LDLRAP1: variants seen among roughly 807,000 people sequenced by gnomAD.
LDLRAP1 encodes low density lipoprotein receptor adaptor protein 1.
A neutral mutation model predicts 37.8 loss-of-function variants in LDLRAP1; 30 were observed. The observed-to-expected ratio is 0.79, with a 90% confidence interval of 0.59 to 1.08. LDLRAP1 has a LOEUF of 1.08. LDLRAP1 is among the 50% of genes least tolerant of loss of function. The pLI is 0.00. For synonymous variants in LDLRAP1, 156 were observed against 169.8 expected, an observed-to-expected ratio of 0.92 and a Z score of 0.63; for missense variants, 375 against 401.6, an observed-to-expected ratio of 0.93 and a Z score of 0.57.
At chr1:25,590,274 G>T in the LDLRAP1 span, 1 of 152,216 alleles carries the variant, frequency 6.6e-6, no homozygotes, top group African/African-American at 2.4e-5. Flanking sequence ...CGAAGCTGAT[G>T]TCAGCTATTC....
downstream of LDLRAP1, among the ~76,000 whole-genome samples, chr1:25,571,168 C>A (rs1279324603): frequency 6.6e-6 from 1 of 152,242 alleles, no homozygotes; most frequent in Admixed American, 6.5e-5. Flanking sequence ...GCCAGCAGCC[C>A]CAGCTACCAC....
chr1:25,562,851 CA>C, intron 5 of LDLRAP1, 135 bp downstream of exon 5: 2 of 850,662 alleles, frequency 2.4e-6, no homozygotes, highest in South Asian at 2.8e-5. Flanking sequence ...CTTCACCGCT[CA>C]GAGTCTCGGT....
intron 4 of LDLRAP1, among the ~76,000 whole-genome samples, chr1:25,558,720 G>C (rs572236312): frequency 2.0e-5 from 3 of 152,154 alleles, no homozygotes; most frequent in African/African-American, 7.2e-5. Flanking sequence ...TCCTTCTGAT[G>C]ACATTTGGAC....
chr1:25,550,693 A>G (rs535997378), intron 1 of LDLRAP1, among the ~76,000 whole-genome samples: 42 of 152,280 alleles, frequency 2.8e-4, no homozygotes, highest in South Asian at 8.3e-4. Context: ...TACCTTGCAC[A>G]GGTCCCATCC....
intron 4 of LDLRAP1, among the ~76,000 whole-genome samples, chr1:25,558,029 A>G (rs2044251088): frequency 6.6e-6 from 1 of 152,038 alleles, no homozygotes; most frequent in Admixed American, 6.5e-5. Context: ...TCTCATTTCC[A>G]GGACACCCCC....
the LDLRAP1 span, among the ~76,000 whole-genome samples, chr1:25,580,854 T>A: frequency 6.6e-6 from 1 of 152,154 alleles, no homozygotes; most frequent in Admixed American, 6.5e-5. Flanking sequence ...AACCCCATTT[T>A]ATAGATGGGG....
chr1:25,572,179 C>T (rs2044613674), downstream of LDLRAP1, among the ~76,000 whole-genome samples: 2 of 152,238 alleles, frequency 1.3e-5, no homozygotes, highest in Admixed American at 6.5e-5. Context: ...GCCCCATGGC[C>T]TCAGTGCCCA....
intron 7 of LDLRAP1, chr1:25,564,938 C>T (rs913482113): frequency 1.8e-6 from 1 of 552,082 alleles, no homozygotes; most frequent in African/African-American, 1.9e-5. Context: ...ACCTGGGTCT[C>T]CAGACACCCT....
the LDLRAP1 span, among the ~76,000 whole-genome samples, chr1:25,589,934 C>T: frequency 8.5e-5 from 13 of 152,212 alleles, no homozygotes; most frequent in African/African-American, 3.1e-4. Flanking sequence ...AACCCCGTCT[C>T]TACTAAAAAT....
Position 25,563,669 on chromosome 1 carries a change from A to C in LDLRAP1, c.625A>C (p.Thr209Pro). 1 of 1,613,668 alleles carries C rather than the reference A, an allele frequency of 6.2e-7. No homozygotes were observed. The highest frequency in any genetic ancestry group is 8.5e-7 in the Non-Finnish European group (1 of 1,180,008). Residue 209 changes from threonine to proline, a missense_variant, in exon 7 of 9, where the codon ACT becomes CCT. Thr to Pro is a conservative substitution (Grantham distance 38, BLOSUM62 -1). Transcript: ENST00000374338. ...CTPSLKSLVATGNLLDLEETA... is the reference protein window; with the variant it reads ...CTPSLKSLVAPGNLLDLEETA... The stretch of plus-strand genomic sequence containing the variant: ...GACCGGATCCCTCACAGTGGTCGCC[A>C]CTGGGAACCTGCTGGACTTAGAGGA...
chr1:25,552,999 C>T (rs1251963556), intron 1 of LDLRAP1, among the ~76,000 whole-genome samples: 1 of 152,152 alleles, frequency 6.6e-6, no homozygotes, highest in Non-Finnish European at 1.5e-5. Context: ...GAGTGGGTCT[C>T]GAACCTTCTC....
Position 25,544,832 on chromosome 1 carries a change from C to G in LDLRAP1, c.88+1046C>G, listed in dbSNP as rs1324727184. On this transcript the variant is annotated intron_variant, in intron 1 of 8. Coordinates refer to ENST00000374338, the MANE Select transcript of LDLRAP1 (RefSeq NM_015627.3). This position sits in a 1 kb window ranked among gnomAD's most constrained non-coding sequence, Gnocchi z 4.8. ...CACAGCTTCTCCCCTCATCAGGAAA[C>G]AACTGACAGTACAGCACCCCCTCAT... Among the ~76,000 whole-genome samples the G allele has an allele frequency of 6.6e-6, 1 of 152,252 alleles. No individual in the cohort carries two copies. The highest frequency in any genetic ancestry group is 1.5e-5 in the Non-Finnish European group (1 of 68,046).
intron 4 of LDLRAP1, among the ~76,000 whole-genome samples, chr1:25,562,148 A>T (rs2044357377): frequency 1.3e-5 from 2 of 152,144 alleles, no homozygotes; most frequent in Non-Finnish European, 2.9e-5. Flanking sequence ...CCCAACCGGA[A>T]CCTAACTTTC....
chr1:25,566,948 C>G lies in LDLRAP1; in HGVS notation c.883C>G (p.Pro295Ala). 6.2e-7 allele frequency: 1 copy of G among 1,613,572 alleles called. No homozygotes were observed. The highest frequency in any genetic ancestry group is 1.3e-5 in the African/African-American group (1 of 75,054). The change falls in exon 9 of 9, where the codon CCT becomes GCT. Residue 295 changes from proline to alanine, a missense_variant. Coordinates refer to ENST00000374338, the MANE Select transcript of LDLRAP1 (RefSeq NM_015627.3). ...CCTCTCGCCTGTCGACTGGGACAAG[C>G]CTGACAGCAGCGGCACAGAGCAGGA... ...QCLSPVDWDK[P>A]DSSGTEQDDL...
At position 25,565,046 on chromosome 1, in the gene LDLRAP1, C is replaced by T. The variant is rs1404227963; in HGVS notation, c.748-127C>T. The T allele has an allele frequency of 7.0e-6, 7 of 996,152 alleles. No individual in the cohort carries two copies. The African/African-American group carries it at 1.1e-4, about 16-fold the overall frequency. 61.7% of individuals were successfully genotyped at this position (996,152 alleles called of 1,614,324 possible). On this transcript the variant is annotated intron_variant, in intron 7 of 8. Transcript: ENST00000374338. ...GGCAGGAGGCCTGCCTGAGGCCGTG[C>T]CTCCAGGCGCCCACCCTGAGCTTGT... is the stretch of plus-strand genomic sequence containing the variant.
Position 25,555,878 on chromosome 1 carries a change from G to A in LDLRAP1, c.344+906G>A, listed in dbSNP as rs1457875003. 1.3e-5 allele frequency among the ~76,000 whole-genome samples: 2 copies of A among 152,190 alleles called. No homozygotes were observed. Among genetic ancestry groups the A allele is most frequent in the African/African-American group, 4.8e-5 (2 of 41,440 alleles). ...TTGCCCTCAAGGAGCTTCCACTCTA[G>A]TTGGGTATAGTCGGGAGGAAACAGG... On this transcript the variant is annotated intron_variant, in intron 3 of 8. Transcript: ENST00000374338. This position sits in a 1 kb window ranked among gnomAD's most constrained non-coding sequence, Gnocchi z 4.7.
intron 1 of LDLRAP1, among the ~76,000 whole-genome samples, chr1:25,550,913 G>T (rs575690199): frequency 6.6e-6 from 1 of 152,286 alleles, no homozygotes; most frequent in Admixed American, 6.5e-5. Context: ...ACCTTGGCAG[G>T]CTTTGGTTCT....
At chr1:25,562,848 G>T in intron 5 of LDLRAP1, 132 bp downstream of exon 5, 1 of 844,466 alleles carries the variant, frequency 1.2e-6, no homozygotes, top group Non-Finnish European at 2.0e-6. Flanking sequence ...TCCCTTCACC[G>T]CTCAGAGTCT....
the LDLRAP1 span, among the ~76,000 whole-genome samples, chr1:25,575,075 G>C: frequency 2.6e-5 from 4 of 152,298 alleles, no homozygotes; most frequent in Admixed American, 2.6e-4. Flanking sequence ...CACCGTCCCG[G>C]TCCCCAAATG....
Sources: allele counts gnomAD v4.1 joint callset (sites outside exome capture counted in the v4.1 genomes callset), GRCh38; gene constraint gnomAD v4.1.1; non-coding constraint Gnocchi (gnomAD v3.1); transcripts MANE v1.5; gene names NCBI Gene and HGNC (gene_info 2026-07-23, HGNC 2026-07-21).